Variants in LHX4 observed in about 807,000 individuals in gnomAD.
The protein encoded by LHX4 is LIM/homeobox protein Lhx4.
In LHX4, 16 loss-of-function variants were observed where a neutral mutation model predicts 39.2. That is an observed-to-expected ratio of 0.41 (90% CI 0.28 to 0.62). LHX4 has a LOEUF of 0.62. Among genes scored for constraint, LHX4 ranks in the 20% least tolerant of loss-of-function variants. The pLI, the probability that LHX4 is intolerant of heterozygous loss-of-function variation, is 0.33. For synonymous variants in LHX4, 206 were observed against 198.1 expected (o/e 1.04, Z -0.33); for missense variants, 439 against 511.9 (o/e 0.86, Z 1.37).
chr1:180,271,392 C>G lies in LHX4; in HGVS notation c.464C>G (p.Ala155Gly), dbSNP rs746041842. The G allele has an allele frequency of 8.1e-6, 13 of 1,614,184 alleles. No homozygotes were observed. The highest frequency in any genetic ancestry group is 1.1e-5 in the Non-Finnish European group (13 of 1,180,038). ...TTTTTCCTTGCAGATGACTCAGAGG[C>G]TGGAGCTAAGCGGCCCCGGACCACC... is the stretch of plus-strand genomic sequence containing the variant. ...ETAKQNDDSE[A>G]GAKRPRTTIT... The change falls in exon 4 of 6, where the codon GCT becomes GGT. Residue 155 changes from alanine (A) to glycine (G), a missense_variant. Ala to Gly is a moderately conservative substitution (Grantham distance 60, BLOSUM62 0). Transcript: ENST00000263726.
In LHX4 at chr1:180,248,431, G is replaced by T; in HGVS notation, c.223G>T (p.Val75Phe). The change falls in exon 2 of 6, where the codon GTC (valine) becomes TTC (phenylalanine). Residue 75 changes from valine to phenylalanine, a missense_variant. By Grantham distance (50) the Val-to-Phe change is conservative. Coordinates refer to ENST00000263726, the MANE Select transcript of LHX4 (RefSeq NM_033343.4). Reference sequence around the variant, plus strand: ...CAGGTGCTTCTCCAGGGCTGGGAGCGTCTACTGCAAGGAGGACTTCTTCAA... The same window carrying T: ...CAGGTGCTTCTCCAGGGCTGGGAGCTTCTACTGCAAGGAGGACTTCTTCAA... The part of the protein sequence containing the change: ...ADRCFSRAGS[V>F]YCKEDFFKRF... The T allele has an allele frequency of 6.2e-7, 1 of 1,614,188 alleles. No individual in the cohort carries two copies. The highest frequency in any genetic ancestry group is 8.5e-7 in the Non-Finnish European group (1 of 1,180,040).
At chr1:180,229,571 A>C (rs1664112989), upstream of LHX4, among the ~76,000 whole-genome samples, 1 of 152,016 alleles carries the variant, frequency 6.6e-6, no homozygotes, top group African/African-American at 2.4e-5. Flanking sequence ...CGGGGGAGAG[A>C]GAGCAGGGGC....
At position 180,275,369 on chromosome 1, in the gene LHX4, C is replaced by A. The variant is rs901054684; in HGVS notation, c.*790C>A. 1 of 152,206 alleles carries A rather than the reference C, an allele frequency of 6.6e-6. No individual in the cohort carries two copies. Among genetic ancestry groups the A allele is most frequent in the Non-Finnish European group, 1.5e-5 (1 of 68,038 alleles). The allele number at this position is 152,206 out of a possible 1,614,324, so 9.4% of individuals were successfully genotyped here. On this transcript the variant is annotated 3_prime_UTR_variant, in exon 6 of 6. Coordinates refer to ENST00000263726, the MANE Select transcript of LHX4 (RefSeq NM_033343.4). ...GTGTGCCTTCTTCAATTGCTTGTAT[C>A]ATTTATTCCACAAGACAGGCTGTGG...
chr1:180,253,921 G>A (rs1280182607), intron 2 of LHX4, among the ~76,000 whole-genome samples: 1 of 152,218 alleles, frequency 6.6e-6, no homozygotes, highest in Non-Finnish European at 1.5e-5. Flanking sequence ...TAGCCTGGCA[G>A]AACGGGGTGG....
rs1648980043 is a variant in LHX4 at position 180,275,619 on chromosome 1, G to C, written c.*1040G>C. ...GTCTACCCCTCTGAAAGCTTTCTCT[G>C]CTGTCCTAGCTGACTCAATTGGAGG... On this transcript the variant is annotated 3_prime_UTR_variant, in exon 6 of 6. Transcript: ENST00000263726. 6.6e-6 allele frequency: 1 copy of C among 152,218 alleles called. No homozygotes were observed. The highest frequency in any genetic ancestry group is 1.5e-5 in the Non-Finnish European group (1 of 68,038). 9.4% of individuals were successfully genotyped at this position (152,218 alleles called of 1,614,324 possible). A position where few individuals can be genotyped will look rare whatever the true frequency, so the allele number is the denominator to read the frequency against.
intron 2 of LHX4, among the ~76,000 whole-genome samples, chr1:180,251,250 G>A (rs754584060): frequency 6.6e-6 from 1 of 152,216 alleles, no homozygotes; most frequent in Non-Finnish European, 1.5e-5. Flanking sequence ...TCAGGTACCT[G>A]ACGCCCACCA....
At chr1:180,267,332 C>T (rs541318567) in intron 3 of LHX4, among the ~76,000 whole-genome samples, 13 of 152,284 alleles carry the variant, frequency 8.5e-5, no homozygotes, top group Non-Finnish European at 1.6e-4. Flanking sequence ...AAGTCAGGTC[C>T]CGCATTTAGC....
In LHX4 at chr1:180,274,462, G is replaced by A. The variant is rs765708017; in HGVS notation, c.1056G>A (p.Leu352=). 3 of 1,614,204 alleles carry A rather than the reference G, an allele frequency of 1.9e-6. No homozygotes were observed. Residue 352 remains leucine, a synonymous_variant, in exon 6 of 6, where the codon CTG becomes CTA. Coordinates refer to ENST00000263726, the MANE Select transcript of LHX4 (RefSeq NM_033343.4). The part of the protein sequence containing the change: ...AHAGQGVSQT[L]RAMAGGPTSD... ...CAGGGCAGGGAGTAAGCCAGACGCT[G>A]AGAGCCATGGCTGGGGGACCCACCT...
At chr1:180,247,338 G>T (rs906204809) in intron 1 of LHX4, among the ~76,000 whole-genome samples, 2 of 152,206 alleles carry the variant, frequency 1.3e-5, no homozygotes, top group African/African-American at 4.8e-5. Context: ...AGTGAAAAGT[G>T]ATTACTCATC....
chr1:180,237,275 T>C (rs918082700), intron 1 of LHX4, among the ~76,000 whole-genome samples: 18 of 152,160 alleles, frequency 1.2e-4, no homozygotes, highest in Admixed American at 1.2e-3. Flanking sequence ...TGGAGCCATC[T>C]CTCTTTCTAG....
Position 180,234,025 on chromosome 1 carries a change from C to G in LHX4, c.76+3420C>G, listed in dbSNP as rs897868106. Among the ~76,000 whole-genome samples the G allele has an allele frequency of 7.3e-5, 11 of 150,872 alleles. No individual in the cohort carries two copies. Among genetic ancestry groups the G allele is most frequent in the African/African-American group, 2.7e-4 (11 of 40,992 alleles). On this transcript the variant is annotated intron_variant, in intron 1 of 5. Transcript: ENST00000263726. The surrounding 1 kb of genome is among the most constrained non-coding windows in gnomAD (Gnocchi z 4.8). ...CGAGTCCCCGGGGTTGTTGACTGTC[C>G]TTCTTGCAGGACATTTCTTAAGGGG...
intron 1 of LHX4, among the ~76,000 whole-genome samples, chr1:180,235,165 G>A (rs1287693248): frequency 6.6e-6 from 1 of 152,236 alleles, no homozygotes; most frequent in African/African-American, 2.4e-5. Flanking sequence ...GGGAGGGACC[G>A]CCTCTCTCTC....
At chr1:180,258,144 A>C (rs1233495668) in intron 2 of LHX4, among the ~76,000 whole-genome samples, 1 of 152,250 alleles carries the variant, frequency 6.6e-6, no homozygotes, top group Non-Finnish European at 1.5e-5. Context: ...AGGGGGAAAC[A>C]GGGTCAGCAA....
chr1:180,258,171 G>T (rs1019644860), intron 2 of LHX4, among the ~76,000 whole-genome samples: 1 of 152,188 alleles, frequency 6.6e-6, no homozygotes, highest in Non-Finnish European at 1.5e-5. Flanking sequence ...AGTGCACAGC[G>T]CATCTACTGA....
chr1:180,255,487 A>G (rs1188705359), intron 2 of LHX4, among the ~76,000 whole-genome samples: 1 of 152,216 alleles, frequency 6.6e-6, no homozygotes, highest in Non-Finnish European at 1.5e-5. Context: ...ACTTTCCATA[A>G]TTTCTGAATA....
rs758852056 is a variant in LHX4, at chr1:180,266,481, A to G, written c.338A>G (p.His113Arg). Residue 113 changes from histidine to arginine, a missense_variant, in exon 3 of 6, where the codon CAC (histidine) becomes CGC (arginine). By Grantham distance (29) the His-to-Arg change is conservative. Transcript: ENST00000263726. The surrounding 1 kb of genome is among the most constrained non-coding windows in gnomAD (Gnocchi z 5.7). ...GCCCAGGACTTTGTCTACCACCTGC[A>G]CTGCTTTGCTTGCATCATCTGCAAC... ...RKAQDFVYHL[H>R]CFACIICNRQ... is the part of the protein sequence containing the mutation. 13 of 1,614,080 alleles carry G rather than the reference A, an allele frequency of 8.1e-6. No homozygotes were observed. The highest frequency in any genetic ancestry group is 1.1e-5 in the Non-Finnish European group (13 of 1,180,036).
chr1:180,248,310 C>T lies in LHX4; in HGVS notation c.102C>T (p.Asn34=). Residue 34 remains asparagine (N), a synonymous_variant, in exon 2 of 6, where the codon AAC becomes AAT. Coordinates refer to ENST00000263726, the MANE Select transcript of LHX4 (RefSeq NM_033343.4). ...AGATTCCCCAGTGCGCTGGCTGCAA[C>T]CAGCACATCCTGGACAAGTTCATCC... ...MQQIPQCAGC[N]QHILDKFILK... The T allele has an allele frequency of 6.2e-7, 1 of 1,614,192 alleles. No individual in the cohort carries two copies. The highest frequency in any genetic ancestry group is 1.1e-5 in the South Asian group (1 of 91,080).
chr1:180,240,482 G>C (rs1253361286), intron 1 of LHX4, among the ~76,000 whole-genome samples: 2 of 152,136 alleles, frequency 1.3e-5, no homozygotes, highest in Admixed American at 1.3e-4. Context: ...CGGATATGTT[G>C]GCTCTCATAT....
At chr1:180,248,664 C>A in intron 2 of LHX4, 1 of 639,480 alleles carries the variant, frequency 1.6e-6, no homozygotes, top group Non-Finnish European at 2.8e-6. Context: ...GCCTCTAGAC[C>A]TCATTTGATC....
Sources: gnomAD v4.1 joint callset for allele counts (sites outside exome capture counted in the v4.1 genomes callset) on GRCh38, gnomAD v4.1.1 for gene constraint, Gnocchi (gnomAD v3.1) non-coding constraint, MANE v1.5 for transcripts, NCBI Gene and HGNC (gene_info 2026-07-23, HGNC 2026-07-21) for gene names.